The following IARS1 variants were observed in gnomAD, a reference collection of about 807,000 sequenced individuals.
The protein encoded by IARS1 is isoleucine--tRNA ligase, cytoplasmic.
A neutral mutation model predicts 168.2 loss-of-function variants in IARS1; 124 were observed. The ratio of observed to expected loss-of-function variants is 0.74; its 90% CI spans 0.64 to 0.86. IARS1 has a LOEUF of 0.86. IARS1 is among the 40% of genes least tolerant of loss of function. The probability of loss-of-function intolerance (pLI) is 0.00; values close to 1 mark genes in which losing one functional copy is unlikely to be tolerated. For missense variants in IARS1, 1,452 were observed against 1,515.8 expected (o/e 0.96, Z 0.70); for synonymous variants, 532 against 529.4 (o/e 1.00, Z -0.07).
rs771666606 is a variant in IARS1 at position 92,256,758 on chromosome 9, C to G, written c.2059G>C (p.Glu687Gln). 2.5e-6 allele frequency: 4 copies of G among 1,613,848 alleles called. No homozygotes were observed. In the Admixed American group the frequency reaches 6.7e-5, roughly 27 times the overall value. Residue 687 changes from glutamate (E) to glutamine (Q), a missense_variant, in exon 20 of 34, where the codon GAA (glutamate) becomes CAA (glutamine). Physicochemically the swap from Glu to Gln is conservative, Grantham distance 29. Transcript: ENST00000443024. ...EFLYNENTVRESPNITDRWIL... is the reference protein window; with the variant it reads ...EFLYNENTVRQSPNITDRWIL... ...CACCGGTCTGTAATGTTGGGGCTTT[C>G]TCTAACCGTGTTCTCATTGTAGAGA... is the stretch of plus-strand genomic sequence containing the variant.
chr9:92,262,867 G>T, intron 17 of IARS1, 102 bp downstream of exon 17: 1 of 784,738 alleles, frequency 1.3e-6, no homozygotes, highest in South Asian at 1.5e-5. Context: ...TGGAGACAAA[G>T]CTCCACCTGT....
chr9:92,243,546 G>A, intron 27 of IARS1: 2 of 390,060 alleles, frequency 5.1e-6, no homozygotes. Flanking sequence ...TTTTTTGTAG[G>A]GTGCTGCTCA....
At position 92,244,993 on chromosome 9, in the gene IARS1, C is replaced by T. The variant is rs1828970773; in HGVS notation, c.2870G>A (p.Gly957Glu). The T allele has an allele frequency of 1.2e-6, 2 of 1,613,928 alleles. No individual in the cohort carries two copies. Among genetic ancestry groups the T allele is most frequent in the Middle Eastern group, 1.6e-4 (1 of 6,084 alleles). ...TGAGTGTGCTTCAAATTGCGCAGTC[C>T]CACCTGTGGCCTGATCAAAGGTGTA... ...LMYTFDQATGGTAQFEAHSDA... is the reference protein window; with the variant it reads ...LMYTFDQATGETAQFEAHSDA... The change falls in exon 27 of 34, where the codon GGG becomes GAG. Residue 957 changes from glycine to glutamate, a missense_variant. Transcript: ENST00000443024.
chr9:92,244,787 T>C (rs890504275), intron 27 of IARS1, among the ~76,000 whole-genome samples, 172 bp downstream of exon 27: 8 of 152,222 alleles, frequency 5.3e-5, no homozygotes, highest in African/African-American at 1.4e-4. Flanking sequence ...CAAATGCATA[T>C]GTTAAGGGCA....
intron 6 of IARS1, 88 bp downstream of exon 6, chr9:92,285,634 T>G: frequency 1.3e-6 from 1 of 765,826 alleles, no homozygotes; most frequent in Non-Finnish European, 2.3e-6. Context: ...CCACACTGGG[T>G]CTACTTGGGA....
intron 31 of IARS1, among the ~76,000 whole-genome samples, chr9:92,226,554 G>C (rs1435790255): frequency 6.6e-6 from 1 of 152,158 alleles, no homozygotes; most frequent in African/African-American, 2.4e-5. Flanking sequence ...AAACTGCAGG[G>C]GGCTAGGGAA....
Position 92,250,280 on chromosome 9 carries a change from C to G in IARS1, c.2439G>C (p.Leu813Phe), listed in dbSNP as rs755090634. Residue 813 changes from leucine (L) to phenylalanine (F), a missense_variant, in exon 24 of 34, where the codon TTG becomes TTC. By Grantham distance (22) the Leu-to-Phe change is conservative. Transcript: ENST00000443024. ...YLMLPRVREE[L>F]IDKKTESAVS... ...CTGCACTCTCTGTTTTCTTGTCAAT[C>G]AATTCTTCTCTGAGTGGTAGAGGTA... 8 of 1,593,328 alleles carry G rather than the reference C, an allele frequency of 5.0e-6. No homozygotes were observed. Among genetic ancestry groups the G allele is most frequent in the Non-Finnish European group, 6.9e-6 (8 of 1,161,402 alleles).
At position 92,222,600 on chromosome 9, in the gene IARS1, C is replaced by A. The variant is rs1839830782; in HGVS notation, c.3626G>T (p.Gly1209Val). The change falls in exon 33 of 34, where the codon GGT (glycine) becomes GTT (valine). Residue 1209 changes from glycine (G) to valine (V), a missense_variant. Physicochemically the swap from Gly to Val is moderately radical, Grantham distance 109. Transcript: ENST00000443024. ...PLGQNGLTHQ[G>V]LLYEAAKVFG... ...CACCTTGGCTGCTTCATACAGAAGA[C>A]CTTGGTGGGTGAGTCCATTCTGCCC... The A allele has an allele frequency of 6.2e-7, 1 of 1,613,974 alleles. No homozygotes were observed. Among genetic ancestry groups the A allele is most frequent in the South Asian group, 1.1e-5 (1 of 91,088 alleles).
chr9:92,262,580 C>T (rs1287443402), intron 17 of IARS1, among the ~76,000 whole-genome samples: 1 of 152,044 alleles, frequency 6.6e-6, no homozygotes, highest in Non-Finnish European at 1.5e-5. Flanking sequence ...GTGGCTGTCA[C>T]TAGCTTTGAT....
At chr9:92,253,924 A>T (rs1830372358) in intron 20 of IARS1, 1 of 453,916 alleles carries the variant, frequency 2.2e-6, no homozygotes, top group Admixed American at 2.4e-5. Context: ...AACAAAAGCA[A>T]TTTTATCCCA....
intron 21 of IARS1, among the ~76,000 whole-genome samples, chr9:92,252,796 A>AAAAAAAAAAAAAAAAAAAAAAAAAAAAC (rs1830202182): frequency 6.9e-6 from 1 of 145,720 alleles, no homozygotes; most frequent in African/African-American, 2.5e-5. Flanking sequence ...AAAAAAAAAA[A>AAAAAAAAAAAAAAAAAAAAAAAAAAAAC]AGACATGACT....
intron 33 of IARS1, among the ~76,000 whole-genome samples, chr9:92,212,908 C>T (rs188479552): frequency 1.6e-4 from 25 of 152,088 alleles, no homozygotes; most frequent in African/African-American, 5.5e-4. Context: ...GGAACAAAAT[C>T]AAGGCAGGAA....
chr9:92,220,337 C>T (rs1214611425), intron 33 of IARS1, among the ~76,000 whole-genome samples: 2 of 147,322 alleles, frequency 1.4e-5, no homozygotes, highest in South Asian at 2.2e-4. Context: ...TTAGTGGGTG[C>T]AGCGCACCAG....
intron 14 of IARS1, among the ~76,000 whole-genome samples, chr9:92,266,933 T>C (rs765700658): frequency 2.0e-5 from 3 of 152,210 alleles, no homozygotes; most frequent in Non-Finnish European, 2.9e-5. Flanking sequence ...GTAGCTACAC[T>C]AAACAGACTA....
intron 12 of IARS1, among the ~76,000 whole-genome samples, chr9:92,270,765 C>T (rs889834062): frequency 6.6e-6 from 1 of 152,088 alleles, no homozygotes; most frequent in Non-Finnish European, 1.5e-5. Flanking sequence ...CACTGCATTC[C>T]AGCCTGGGCG....
At chr9:92,268,353 C>T in intron 13 of IARS1, 53 bp from the exon 14 acceptor site, 1 of 1,578,034 alleles carries the variant, frequency 6.3e-7, no homozygotes, top group African/African-American at 1.4e-5. Context: ...AAAAATTCAA[C>T]ATGTAAATAA....
In IARS1 at chr9:92,223,444, A is replaced by G. The variant is rs1312560812; in HGVS notation, c.3455T>C (p.Leu1152Pro). The change falls in exon 32 of 34, where the codon CTT becomes CCT. Residue 1152 changes from leucine to proline, a missense_variant. Coordinates refer to ENST00000443024, the MANE Select transcript of IARS1 (RefSeq NM_002161.6). ...TDLLSLSGKTLCVTAGSAPSL... is the reference protein window; with the variant it reads ...TDLLSLSGKTPCVTAGSAPSL... The stretch of plus-strand genomic sequence containing the variant: ...GGGAGCCGATCCTGCAGTCACACAA[A>G]GTGTTTTTCCACTAAGACTCAGTAA... The G allele has an allele frequency of 6.2e-7, 1 of 1,614,064 alleles. No homozygotes were observed. The highest frequency in any genetic ancestry group is 1.1e-5 in the South Asian group (1 of 91,074).
Position 92,223,415 on chromosome 9 carries a change from G to C in IARS1, c.3484C>G (p.Leu1162Val). ...AGAAGAGTACTAGAACTGTTGATCAGAGAGGGAGCCGATCCTGCAGTCACA... is the reference window on the plus strand; with the variant it reads ...AGAAGAGTACTAGAACTGTTGATCACAGAGGGAGCCGATCCTGCAGTCACA... ...LCVTAGSAPSLINSSSTLLCQ... is the reference protein window; with the variant it reads ...LCVTAGSAPSVINSSSTLLCQ... Residue 1162 changes from leucine (L) to valine (V), a missense_variant, in exon 32 of 34, where the codon CTG becomes GTG. Leu to Val is a conservative substitution (Grantham distance 32, BLOSUM62 1). Transcript: ENST00000443024. 1 of 1,614,010 alleles carries C rather than the reference G, an allele frequency of 6.2e-7. No homozygotes were observed. Among genetic ancestry groups the C allele is most frequent in the Non-Finnish European group, 8.5e-7 (1 of 1,179,876 alleles).
At chr9:92,272,447 T>C (rs1162323809) in intron 10 of IARS1, among the ~76,000 whole-genome samples, 1 of 152,220 alleles carries the variant, frequency 6.6e-6, no homozygotes, top group Non-Finnish European at 1.5e-5. Flanking sequence ...CCTGAATGCA[T>C]CCAGAACCAG....
Sources: allele counts gnomAD v4.1 joint callset (sites outside exome capture counted in the v4.1 genomes callset), GRCh38; gene constraint gnomAD v4.1.1; transcripts MANE v1.5; gene names NCBI Gene and HGNC (gene_info 2026-07-23, HGNC 2026-07-21).